The following NLN variants were observed in gnomAD, a reference collection of about 807,000 sequenced individuals.
NLN encodes the protein neurolysin, mitochondrial.
Under a neutral mutation model 79.9 loss-of-function variants are expected in NLN, and 64 were observed. The ratio of observed to expected loss-of-function variants is 0.80; its 90% confidence interval spans 0.65 to 0.99. The LOEUF is 0.99. Ranked by LOEUF, NLN falls within the 50% of genes least tolerant of loss-of-function variation. NLN has a pLI of 0.00. For synonymous variants in NLN, 267 were observed against 296.6 expected, an observed-to-expected ratio of 0.90 and a Z score of 1.02; for missense variants, 835 against 858.7, an observed-to-expected ratio of 0.97 and a Z score of 0.34.
chr5:65,761,352 A>G (rs1759333272), intron 2 of NLN, among the ~76,000 whole-genome samples: 1 of 151,814 alleles, frequency 6.6e-6, no homozygotes. Flanking sequence ...GAGTGCAGTC[A>G]TGTAATCTTG....
chr5:65,753,572 C>T (rs1277164036), intron 1 of NLN, among the ~76,000 whole-genome samples: 2 of 151,722 alleles, frequency 1.3e-5, no homozygotes, highest in African/African-American at 2.4e-5. Flanking sequence ...ATCGCTTTAA[C>T]CTGGGAGGCG....
At chr5:65,783,880 T>A (rs997350267) in intron 6 of NLN, among the ~76,000 whole-genome samples, 1 of 152,182 alleles carries the variant, frequency 6.6e-6, no homozygotes, top group African/African-American at 2.4e-5. Flanking sequence ...ATGTTTCTCT[T>A]CTATGTTTTC....
chr5:65,788,179 G>A lies in NLN; in HGVS notation c.1020G>A (p.Leu340=). The A allele has an allele frequency of 1.2e-6, 2 of 1,614,078 alleles. No homozygotes were observed. The highest frequency in any genetic ancestry group is 1.7e-6 in the Non-Finnish European group (2 of 1,179,964). ...GEAEREFILN[L]KKKECKDRGF... is the part of the protein sequence containing the mutation. ...CAGAACGAGAGTTTATTTTGAATTTGAAGAAAAAGGAATGCAAAGACAGGG... is the reference window on the plus strand; with the variant it reads ...CAGAACGAGAGTTTATTTTGAATTTAAAGAAAAAGGAATGCAAAGACAGGG... The change falls in exon 8 of 13, where the codon TTG becomes TTA. Residue 340 remains leucine, a synonymous_variant. Coordinates refer to ENST00000380985, the MANE Select transcript of NLN (RefSeq NM_020726.5).
chr5:65,784,916 A>G (rs1759884048), intron 6 of NLN, among the ~76,000 whole-genome samples: 1 of 152,222 alleles, frequency 6.6e-6, no homozygotes, highest in South Asian at 2.1e-4. Flanking sequence ...ATATAAGTGG[A>G]ATAATAAAAT....
intron 1 of NLN, among the ~76,000 whole-genome samples, chr5:65,732,207 G>A (rs1269375025): frequency 6.6e-6 from 1 of 152,180 alleles, no homozygotes; most frequent in African/African-American, 2.4e-5. Context: ...AAGTATAAAA[G>A]GAAGTCCAGC....
At chr5:65,764,653 G>C (rs1000148303) in intron 3 of NLN, among the ~76,000 whole-genome samples, 37 of 152,184 alleles carry the variant, frequency 2.4e-4, no homozygotes, top group African/African-American at 8.0e-4. Flanking sequence ...GCGTTCATCA[G>C]ATTTGTGTCT....
At chr5:65,759,782 A>C (rs1759302616) in intron 2 of NLN, among the ~76,000 whole-genome samples, 1 of 152,168 alleles carries the variant, frequency 6.6e-6, no homozygotes, top group South Asian at 2.1e-4. Context: ...CTCCAAGTTA[A>C]CACATAAGAT....
intron 9 of NLN, 103 bp from the exon 10 acceptor site, chr5:65,809,412 T>G: frequency 2.2e-6 from 2 of 896,258 alleles, no homozygotes; most frequent in Non-Finnish European, 3.4e-6. Context: ...GAGGAACAGT[T>G]GAGTCTGATT....
chr5:65,813,069 C>A (rs1356782381), intron 12 of NLN, among the ~76,000 whole-genome samples: 1 of 152,164 alleles, frequency 6.6e-6, no homozygotes, highest in Non-Finnish European at 1.5e-5. Context: ...ATTAGAAGAA[C>A]AAATTATCAA....
Position 65,792,463 on chromosome 5 carries a change from A to G in NLN, c.1335A>G (p.Lys445=). 1 of 1,612,788 alleles carries G rather than the reference A, an allele frequency of 6.2e-7. No individual in the cohort carries two copies. Among genetic ancestry groups the G allele is most frequent in the Non-Finnish European group, 8.5e-7 (1 of 1,179,050 alleles). ...FYLDLYPREG[K]YNHAACFGLQ... ...TGTTTCTGGCTCCTAGGGAAGGAAA[A>G]TACAATCATGCGGCCTGCTTCGGTC... The change falls in exon 9 of 13, where the codon AAA becomes AAG. Residue 445 remains lysine, a synonymous_variant. Coordinates refer to ENST00000380985, the MANE Select transcript of NLN (RefSeq NM_020726.5).
chr5:65,772,426 C>G (rs1315865245), intron 3 of NLN, among the ~76,000 whole-genome samples: 3 of 152,140 alleles, frequency 2.0e-5, no homozygotes, highest in Non-Finnish European at 4.4e-5. Context: ...TACGCTGTGG[C>G]TCACACAGAA....
At chr5:65,725,908 C>T (rs1197198650) in intron 1 of NLN, among the ~76,000 whole-genome samples, 1 of 152,114 alleles carries the variant, frequency 6.6e-6, no homozygotes, top group Non-Finnish European at 1.5e-5. Flanking sequence ...GTCAGGAGAT[C>T]GAGACCATCC....
chr5:65,739,952 T>C (rs1412161983), intron 1 of NLN, among the ~76,000 whole-genome samples: 1 of 152,190 alleles, frequency 6.6e-6, no homozygotes. Context: ...CTATAGGTTG[T>C]CTCTTCATTC....
chr5:65,806,846 A>G (rs1305786622), intron 9 of NLN, among the ~76,000 whole-genome samples: 3 of 152,218 alleles, frequency 2.0e-5, no homozygotes, highest in African/African-American at 4.8e-5. Flanking sequence ...AGGAAGATTC[A>G]GTCCATTGAT....
At chr5:65,748,988 G>T (rs559731061) in intron 1 of NLN, among the ~76,000 whole-genome samples, 16 of 152,230 alleles carry the variant, frequency 1.1e-4, no homozygotes, top group East Asian at 1.9e-4. Context: ...TGCTTTTCTC[G>T]TGATAGTGAA....
intron 9 of NLN, 49 bp from the exon 10 acceptor site, chr5:65,809,466 T>C (rs1760492248): frequency 6.8e-7 from 1 of 1,465,412 alleles, no homozygotes; most frequent in Non-Finnish European, 9.3e-7. Flanking sequence ...TCATTGCATA[T>C]GTACTTTCAT....
chr5:65,809,662 C>T lies in NLN; in HGVS notation c.1675C>T (p.Leu559=), dbSNP rs1167073533. Residue 559 remains leucine, a synonymous_variant, in exon 10 of 13, where the codon CTG becomes TTG. Transcript: ENST00000380985. ...AGATGGAAGCCCTATTGCAGACGAT[C>T]TGCTTGAAAAACTTGTTGCTTCTAG... The part of the protein sequence containing the change: ...YKDGSPIADD[L]LEKLVASRLV... 1 of 1,611,508 alleles carries T rather than the reference C, an allele frequency of 6.2e-7. No homozygotes were observed. The highest frequency in any genetic ancestry group is 8.5e-7 in the Non-Finnish European group (1 of 1,179,352).
In NLN at chr5:65,827,367, C is replaced by A. The variant is rs1760940745; in HGVS notation, c.*4452C>A. 1 of 152,158 alleles carries A rather than the reference C, an allele frequency of 6.6e-6. No homozygotes were observed. The highest frequency in any genetic ancestry group is 2.4e-5 in the African/African-American group (1 of 41,434). 9.4% of individuals were successfully genotyped at this position (152,158 alleles called of 1,614,324 possible). A position where few individuals can be genotyped will look rare whatever the true frequency, so the allele number is the denominator to read the frequency against. ...CTGCTCACATGAGCTGGAACCTGTA[C>A]TAGCTGCATATTTCATAGACCCCAG... is the stretch of plus-strand genomic sequence containing the variant. On this transcript the variant is annotated 3_prime_UTR_variant, in exon 13 of 13. Transcript: ENST00000380985.
At chr5:65,804,082 A>G (rs1050004789) in intron 9 of NLN, among the ~76,000 whole-genome samples, 3 of 152,258 alleles carry the variant, frequency 2.0e-5, no homozygotes, top group African/African-American at 7.2e-5. Flanking sequence ...AGGGTTTGAT[A>G]TAAGACTTTT....
Sources: gnomAD v4.1 joint callset for allele counts (sites outside exome capture counted in the v4.1 genomes callset) on GRCh38, gnomAD v4.1.1 for gene constraint, MANE v1.5 for transcripts, NCBI Gene and HGNC (gene_info 2026-07-23, HGNC 2026-07-21) for gene names.